The following OSBP2 variants were observed in gnomAD, a reference collection of about 807,000 sequenced individuals.
OSBP2 encodes oxysterol binding protein 2.
Under a neutral mutation model 96.0 loss-of-function variants are expected in OSBP2, and 66 were observed. That is an observed-to-expected ratio of 0.69 (90% CI 0.56 to 0.84). OSBP2 has a LOEUF of 0.84. OSBP2 is among the 40% of genes least tolerant of loss of function. The pLI is 0.00. For synonymous variants in OSBP2, 525 were observed against 520.9 expected (o/e 1.01, Z -0.11); for missense variants, 1,038 against 1,222.7 (o/e 0.85, Z 2.25).
chr22:30,814,517 C>T (rs1406311260), intron 2 of OSBP2, among the ~76,000 whole-genome samples: 1 of 151,480 alleles, frequency 6.6e-6, no homozygotes, highest in African/African-American at 2.4e-5. Flanking sequence ...ATGCAACCTC[C>T]GCCTCCCGGG....
intron 3 of OSBP2, among the ~76,000 whole-genome samples, chr22:30,873,574 G>A (rs779740620): frequency 6.6e-6 from 1 of 152,136 alleles, no homozygotes; most frequent in Non-Finnish European, 1.5e-5. Context: ...CCCACTGTGG[G>A]GGCCCCACTG....
At position 30,906,539 on chromosome 22, in the gene OSBP2, C is replaced by A. The variant is rs1316008820; in HGVS notation, c.*200C>A. On this transcript the variant is annotated 3_prime_UTR_variant, in exon 14 of 14. Transcript: ENST00000332585. ...AAGGGCTGACCTGGGTTCTCTCCAG[C>A]CCCCAGGTGCGCCGGGTCACCCGTG... The A allele has an allele frequency of 1.8e-6, 1 of 569,418 alleles. No homozygotes were observed. Among genetic ancestry groups the A allele is most frequent in the Non-Finnish European group, 2.8e-6 (1 of 353,002 alleles). 35.3% of individuals were successfully genotyped at this position (569,418 alleles called of 1,614,324 possible). A position where few individuals can be genotyped will look rare whatever the true frequency, so the allele number is the denominator to read the frequency against.
In OSBP2 at chr22:30,783,302, CTTTTTTTTTTTTTTTTTTT is replaced by C. The variant is rs35470453; in HGVS notation, c.853+41945_853+41963del. On this transcript the variant is annotated intron_variant, in intron 2 of 13. Coordinates refer to ENST00000332585, the MANE Select transcript of OSBP2 (RefSeq NM_030758.4). ...GAGGCAGGGAGTCTCATTCAGAGAG[CTTTTTTTTTTTTTTTTTTT>C]TTTTTTTTTTTGGTGACAGAGTCTT... 1.1e-3 allele frequency among the ~76,000 whole-genome samples: 39 copies of C among 34,710 alleles called. 1 individual carries two copies. The South Asian group carries it at 0.038, about 34-fold the overall frequency. 22.8% of individuals were successfully genotyped at this position (34,710 alleles called of 152,430 possible). A position where few individuals can be genotyped will look rare whatever the true frequency, so the allele number is the denominator to read the frequency against.
At chr22:30,818,730 A>T (rs754176703) in intron 2 of OSBP2, among the ~76,000 whole-genome samples, 8 of 152,196 alleles carry the variant, frequency 5.3e-5, no homozygotes, top group Non-Finnish European at 7.3e-5. Flanking sequence ...TCTGATTAGT[A>T]ATGTTCTGGT....
intron 1 of OSBP2, among the ~76,000 whole-genome samples, chr22:30,704,556 G>A (rs1348056491): frequency 1.3e-5 from 2 of 149,578 alleles, no homozygotes; most frequent in Admixed American, 6.7e-5. Flanking sequence ...TTGCTGTGTC[G>A]CCCAGGCTGG....
At chr22:30,835,509 C>T (rs372805637) in intron 2 of OSBP2, among the ~76,000 whole-genome samples, 7 of 152,140 alleles carry the variant, frequency 4.6e-5, no homozygotes, top group Admixed American at 4.6e-4. Flanking sequence ...CTTATGCCAA[C>T]ACCACACTTT....
At chr22:30,694,803 C>T, upstream of OSBP2, 1 of 560,352 alleles carries the variant, frequency 1.8e-6, no homozygotes, top group Non-Finnish European at 2.3e-6. Flanking sequence ...GGAACCCGCG[C>T]GCGCCCCCGC....
intron 2 of OSBP2, among the ~76,000 whole-genome samples, chr22:30,746,470 G>T (rs1278712550): frequency 2.1e-5 from 3 of 143,046 alleles, no homozygotes; most frequent in Non-Finnish European, 3.0e-5. Flanking sequence ...CCAAAAAATT[G>T]AAGAGGATGA....
rs1555919411 is a variant in OSBP2 at position 30,843,452 on chromosome 22, C to CCT, written c.854-26976_854-26975insTC. ...ACGTTTTCAGGAATCTTTCCCCCCT[C>CCT]CCCCTTGAGCAATAGGTCCTGACAG... On this transcript the variant is annotated intron_variant, in intron 2 of 13. Transcript: ENST00000332585. Among the ~76,000 whole-genome samples the CCT allele has an allele frequency of 5.2e-4, 44 of 83,810 alleles. 1 individual carries two copies. The South Asian group carries it at 0.014, about 26-fold the overall frequency. 55.0% of individuals were successfully genotyped at this position (83,810 alleles called of 152,430 possible).
At chr22:30,754,506 A>G (rs1191038532) in intron 2 of OSBP2, among the ~76,000 whole-genome samples, 3 of 152,142 alleles carry the variant, frequency 2.0e-5, no homozygotes, top group Non-Finnish European at 2.9e-5. Flanking sequence ...TGGGCAGCAC[A>G]GGTATGCTGG....
intron 2 of OSBP2, among the ~76,000 whole-genome samples, chr22:30,862,240 C>G (rs571890297): frequency 6.6e-6 from 1 of 152,376 alleles, no homozygotes; most frequent in East Asian, 1.9e-4. Flanking sequence ...CGCTCCCCGC[C>G]TGCCCCCTCT....
At chr22:30,745,632 G>A (rs937074546) in intron 2 of OSBP2, among the ~76,000 whole-genome samples, 4 of 139,104 alleles carry the variant, frequency 2.9e-5, no homozygotes, top group South Asian at 2.2e-4. Context: ...ATGCCACTGC[G>A]CTCCAGCCTG....
In OSBP2 at chr22:30,695,268, C is replaced by A; in HGVS notation, c.359C>A (p.Thr120Asn). Residue 120 changes from threonine to asparagine, a missense_variant, in exon 1 of 14, where the codon ACT becomes AAT. Coordinates refer to ENST00000332585, the MANE Select transcript of OSBP2 (RefSeq NM_030758.4). ...SSSGVGAGPF[T>N]KAASEPLSRA... The stretch of plus-strand genomic sequence containing the variant: ...TCAGGTGTAGGGGCTGGGCCCTTCA[C>A]TAAGGCCGCATCGGAGCCGCTCTCC... 6.2e-7 allele frequency: 1 copy of A among 1,613,456 alleles called. No homozygotes were observed. Among genetic ancestry groups the A allele is most frequent in the Non-Finnish European group, 8.5e-7 (1 of 1,180,016 alleles).
At chr22:30,771,323 A>G (rs887791297) in intron 2 of OSBP2, among the ~76,000 whole-genome samples, 3 of 152,210 alleles carry the variant, frequency 2.0e-5, no homozygotes, top group South Asian at 2.1e-4. Flanking sequence ...TGGAAGAGAA[A>G]CTTTGGAAGA....
At chr22:30,855,000 C>T (rs1202754086) in intron 2 of OSBP2, among the ~76,000 whole-genome samples, 3 of 152,054 alleles carry the variant, frequency 2.0e-5, no homozygotes, top group South Asian at 2.1e-4. Context: ...CATCAGATCG[C>T]GTGGGAACTG....
chr22:30,702,043 C>G (rs905663034), intron 1 of OSBP2, among the ~76,000 whole-genome samples: 1 of 152,198 alleles, frequency 6.6e-6, no homozygotes, highest in Non-Finnish European at 1.5e-5. Context: ...CTGCCTCCCC[C>G]TCCTAACTCC....
intron 2 of OSBP2, among the ~76,000 whole-genome samples, chr22:30,741,971 C>T (rs2089944064): frequency 6.6e-6 from 1 of 151,884 alleles, no homozygotes; most frequent in Non-Finnish European, 1.5e-5. Context: ...AGGCGCACAC[C>T]ACCATGCCCA....
intron 2 of OSBP2, among the ~76,000 whole-genome samples, chr22:30,847,316 T>C (rs1412728847): frequency 6.6e-6 from 1 of 151,650 alleles, no homozygotes; most frequent in East Asian, 1.9e-4. Context: ...GGAGTCTTGC[T>C]GTTCACCCAG....
intron 1 of OSBP2, among the ~76,000 whole-genome samples, chr22:30,701,728 G>C (rs1050271621): frequency 2.6e-5 from 4 of 152,156 alleles, no homozygotes; most frequent in African/African-American, 9.7e-5. Flanking sequence ...ATGAAGTTGA[G>C]GGTGCAAGTG....
Sources: allele counts gnomAD v4.1 joint callset (sites outside exome capture counted in the v4.1 genomes callset), GRCh38; gene constraint gnomAD v4.1.1; transcripts MANE v1.5; gene names NCBI Gene and HGNC (gene_info 2026-07-23, HGNC 2026-07-21).